Variants in DOCK9 observed in about 807,000 individuals in gnomAD.
DOCK9 encodes the protein dedicator of cytokinesis protein 9.
A neutral mutation model predicts 263.3 loss-of-function variants in DOCK9; 89 were observed. The ratio of observed to expected loss-of-function variants is 0.34; its 90% confidence interval spans 0.28 to 0.40. The LOEUF is 0.40. DOCK9 is among the 10% of genes least tolerant of loss of function. The probability of loss-of-function intolerance (pLI) is 1.00; values close to 1 mark genes in which losing one functional copy is unlikely to be tolerated. For missense variants in DOCK9, 2,140 were observed against 2,603.4 expected (o/e 0.82, Z 3.87); for synonymous variants, 976 against 973.1 (o/e 1.00, Z -0.06).
intron 2 of DOCK9, among the ~76,000 whole-genome samples, chr13:98,933,982 T>C (rs1007105441): frequency 6.6e-6 from 1 of 151,978 alleles, no homozygotes; most frequent in Non-Finnish European, 1.5e-5. Context: ...AGTGCAACCT[T>C]GCCGTTCTGG....
intron 45 of DOCK9, among the ~76,000 whole-genome samples, chr13:98,816,558 G>C (rs1294107220): frequency 6.6e-6 from 1 of 152,014 alleles, no homozygotes; most frequent in Admixed American, 6.6e-5. Context: ...GTGGGAGCTA[G>C]GTCCAGGAAG....
intron 35 of DOCK9, among the ~76,000 whole-genome samples, chr13:98,851,376 C>T (rs1338575741): frequency 6.6e-6 from 1 of 152,214 alleles, no homozygotes; most frequent in East Asian, 1.9e-4. Context: ...GAGGAACAGA[C>T]TCTGGCTACT....
intron 38 of DOCK9, among the ~76,000 whole-genome samples, chr13:98,839,377 A>T (rs2093126445): frequency 1.3e-5 from 2 of 152,232 alleles, no homozygotes; most frequent in Non-Finnish European, 2.9e-5. Context: ...GTTGTTTGGT[A>T]AGATACAGAG....
chr13:99,017,111 A>G (rs1045158492), intron 1 of DOCK9, among the ~76,000 whole-genome samples: 4 of 152,234 alleles, frequency 2.6e-5, no homozygotes, highest in Non-Finnish European at 4.4e-5. Flanking sequence ...TGTTGGCCAC[A>G]TGCAAAAAAC....
At chr13:99,056,387 G>A (rs2040924867) in intron 1 of DOCK9, among the ~76,000 whole-genome samples, 1 of 152,056 alleles carries the variant, frequency 6.6e-6, no homozygotes, top group South Asian at 2.1e-4. Flanking sequence ...CATTATCAAA[G>A]TAAGGTTACA....
At chr13:98,953,610 A>C (rs1410202472) in intron 2 of DOCK9, among the ~76,000 whole-genome samples, 1 of 152,266 alleles carries the variant, frequency 6.6e-6, no homozygotes, top group East Asian at 1.9e-4. Context: ...CTTCATGTTG[A>C]GAGAAATTTG....
intron 1 of DOCK9, among the ~76,000 whole-genome samples, chr13:99,070,231 G>C (rs1203134569): frequency 6.6e-6 from 1 of 152,140 alleles, no homozygotes; most frequent in Non-Finnish European, 1.5e-5. Context: ...TAATTTTCAA[G>C]CATACCGATT....
chr13:98,885,984 T>C (rs974863332), intron 19 of DOCK9, among the ~76,000 whole-genome samples, 153 bp from the exon 20 acceptor site: 2 of 152,134 alleles, frequency 1.3e-5, no homozygotes, highest in Admixed American at 6.5e-5. Context: ...AGACTATAAA[T>C]TGTGCCAAGC....
Position 98,977,716 on chromosome 13 carries a change from C to T in DOCK9, c.126+68G>A, listed in dbSNP as rs537516215. 76 of 1,512,350 alleles carry T rather than the reference C, an allele frequency of 5.0e-5. 1 individual carries two copies. The South Asian group carries it at 8.6e-4, about 17-fold the overall frequency. The allele number at this position is 1,512,350 out of a possible 1,614,324, so 93.7% of individuals were successfully genotyped here. A position where few individuals can be genotyped will look rare whatever the true frequency, so the allele number is the denominator to read the frequency against. Reference sequence around the variant, plus strand: ...AAAGACAGGCAACAGGCGTCAACCCCGTCCACACGCACAATAAGAACCCAG... The same window carrying T: ...AAAGACAGGCAACAGGCGTCAACCCTGTCCACACGCACAATAAGAACCCAG... On this transcript the variant is annotated intron_variant, in intron 1 of 52. Transcript: ENST00000682017.
At chr13:98,975,160 C>T (rs1365991300) in intron 1 of DOCK9, among the ~76,000 whole-genome samples, 1 of 152,090 alleles carries the variant, frequency 6.6e-6, no homozygotes, top group Non-Finnish European at 1.5e-5. Flanking sequence ...GGGCGGATCT[C>T]CTGAGGTCAG....
chr13:99,036,111 G>C (rs929888142), intron 1 of DOCK9, among the ~76,000 whole-genome samples: 4 of 152,120 alleles, frequency 2.6e-5, no homozygotes, highest in Admixed American at 2.0e-4. Context: ...CCTTAAAATA[G>C]AAAGAAACAT....
At chr13:98,801,403 A>T (rs1310665196) in intron 49 of DOCK9, among the ~76,000 whole-genome samples, 2 of 152,362 alleles carry the variant, frequency 1.3e-5, no homozygotes, top group Non-Finnish European at 1.5e-5. Flanking sequence ...TGTAGTGCTA[A>T]TAAAGGTATT....
intron 38 of DOCK9, among the ~76,000 whole-genome samples, chr13:98,838,897 G>C (rs1396150055): frequency 2.7e-5 from 4 of 150,060 alleles, no homozygotes; most frequent in South Asian, 2.1e-4. Flanking sequence ...CTTGAGACCA[G>C]TAATGGGAAA....
Position 98,941,853 on chromosome 13 carries a change from G to A in DOCK9, c.244-11596C>T, listed in dbSNP as rs188696369. Among the ~76,000 whole-genome samples, 22 of 152,362 alleles carry A rather than the reference G, an allele frequency of 1.4e-4. No individual in the cohort carries two copies. In the East Asian group the frequency reaches 4.0e-3, roughly 28 times the overall value. ...TAAGCTCCCTAGTAACCTGGCGTCT[G>A]CCAAGCAATGGAAGGGCAGTAGCAA... is the stretch of plus-strand genomic sequence containing the variant. On this transcript the variant is annotated intron_variant, in intron 2 of 52. Coordinates refer to ENST00000682017, the MANE Select transcript of DOCK9 (RefSeq NM_001366683.2).
intron 15 of DOCK9, among the ~76,000 whole-genome samples, chr13:98,893,386 C>A (rs2046921190): frequency 6.6e-6 from 1 of 152,144 alleles, no homozygotes; most frequent in Admixed American, 6.5e-5. Flanking sequence ...GCATTTCCTG[C>A]AGAAGTTGGA....
chr13:98,994,466 G>A (rs1880536737), intron 1 of DOCK9, among the ~76,000 whole-genome samples: 2 of 152,158 alleles, frequency 1.3e-5, no homozygotes, highest in Admixed American at 1.3e-4. Flanking sequence ...GAATTATCCA[G>A]CCCAAAATGT....
intron 1 of DOCK9, among the ~76,000 whole-genome samples, chr13:99,079,204 G>C (rs762886118): frequency 1.3e-5 from 2 of 152,174 alleles, no homozygotes; most frequent in Non-Finnish European, 2.9e-5. Flanking sequence ...GATCTCTATA[G>C]ACAAATAGCT....
rs766612798 is a variant in DOCK9, at chr13:98,863,065, C to T, written c.3533G>A (p.Arg1178Gln). 1.2e-6 allele frequency: 2 copies of T among 1,611,672 alleles called. No individual in the cohort carries two copies. The highest frequency in any genetic ancestry group is 2.2e-5 in the South Asian group (2 of 90,132). Reference sequence around the variant, plus strand: ...GGGTGACACATCCCTCACATTGATCCGCTGGACGTTTTCAATCAGCAGACC... The same window carrying T: ...GGGTGACACATCCCTCACATTGATCTGCTGGACGTTTTCAATCAGCAGACC... Reference protein sequence around the residue: ...LFGLLIENVQRINVRDVSPFP... With the variant: ...LFGLLIENVQQINVRDVSPFP... The change falls in exon 32 of 53, where the codon CGG becomes CAG. Residue 1178 changes from arginine (R) to glutamine (Q), a missense_variant. By Grantham distance (43) the Arg-to-Gln change is conservative (BLOSUM62 1). Transcript: ENST00000682017.
rs2093215524 is a variant in DOCK9, at chr13:98,841,608, T to C, written c.4199-3999A>G. On this transcript the variant is annotated intron_variant, in intron 38 of 52. Transcript: ENST00000682017. Reference sequence around the variant, plus strand: ...ATCAAGGAAATAAGTGTCTTGTTTATGAACAAAATTTTTTTTTTTTTTTTT... The same window carrying C: ...ATCAAGGAAATAAGTGTCTTGTTTACGAACAAAATTTTTTTTTTTTTTTTT... 5.3e-5 allele frequency among the ~76,000 whole-genome samples: 8 copies of C among 151,220 alleles called. No individual in the cohort carries two copies. In the South Asian group the frequency reaches 1.7e-3, roughly 32 times the overall value.
Sources: gnomAD v4.1 joint callset for allele counts (sites outside exome capture counted in the v4.1 genomes callset) on GRCh38, gnomAD v4.1.1 for gene constraint, MANE v1.5 for transcripts, NCBI Gene and HGNC (gene_info 2026-07-23, HGNC 2026-07-21) for gene names.